DYRK1A: variants seen among roughly 807,000 people sequenced by gnomAD.
The protein encoded by DYRK1A is dual specificity tyrosine phosphorylation regulated kinase 1A, also known as dual specificity tyrosine-phosphorylation-regulated kinase 1A.
In DYRK1A, 9 loss-of-function variants were observed where a neutral mutation model predicts 79.7. The observed-to-expected ratio is 0.11, with a 90% CI of 0.07 to 0.20. The LOEUF is 0.20. DYRK1A is among the 10% of genes least tolerant of loss of function. The pLI, the probability that DYRK1A is intolerant of heterozygous loss-of-function variation, is 1.00. For missense variants in DYRK1A, 622 were observed against 956.0 expected (o/e 0.65, Z 4.61); for synonymous variants, 349 against 329.7 (o/e 1.06, Z -0.63).
At chr21:37,433,041 C>A (rs1302488886) in intron 2 of DYRK1A, among the ~76,000 whole-genome samples, 2 of 89,322 alleles carry the variant, frequency 2.2e-5, no homozygotes, top group Non-Finnish European at 4.0e-5. Context: ...ACTAGGAATT[C>A]TAAATATATA....
At chr21:37,421,571 C>T (rs2050477332) in intron 2 of DYRK1A, among the ~76,000 whole-genome samples, 1 of 152,100 alleles carries the variant, frequency 6.6e-6, no homozygotes, top group African/African-American at 2.4e-5. Context: ...CAGGCTTGCA[C>T]ATGTATGTTT....
intron 2 of DYRK1A, among the ~76,000 whole-genome samples, chr21:37,432,488 G>A (rs146346541): frequency 6.9e-4 from 105 of 152,222 alleles, no homozygotes; most frequent in African/African-American, 2.1e-3. Context: ...AGAGAATGAG[G>A]TATTAAAAAC....
chr21:37,509,974 G>A (rs1422993778), intron 11 of DYRK1A, among the ~76,000 whole-genome samples: 1 of 152,116 alleles, frequency 6.6e-6, no homozygotes, highest in Non-Finnish European at 1.5e-5. Context: ...CCTTCGTCTA[G>A]CATGTCCACA....
chr21:37,408,491 A>G (rs1306471864), intron 1 of DYRK1A, among the ~76,000 whole-genome samples: 1 of 152,218 alleles, frequency 6.6e-6, no homozygotes, highest in Admixed American at 6.5e-5. Context: ...TAGAAAAGAG[A>G]CTTAGTATTT....
At chr21:37,468,337 G>A (rs778685182) in intron 2 of DYRK1A, among the ~76,000 whole-genome samples, 5 of 151,722 alleles carry the variant, frequency 3.3e-5, no homozygotes, top group Non-Finnish European at 5.9e-5. Context: ...TCAGACTCTC[G>A]GGCTCAAGTG....
chr21:37,405,127 G>T (rs1417899317), intron 1 of DYRK1A, among the ~76,000 whole-genome samples: 1 of 152,112 alleles, frequency 6.6e-6, no homozygotes, highest in Non-Finnish European at 1.5e-5. Flanking sequence ...ATACTTAAAT[G>T]ATTTTTTAGT....
chr21:37,471,335 G>A (rs2052217529), intron 2 of DYRK1A, among the ~76,000 whole-genome samples: 1 of 152,184 alleles, frequency 6.6e-6, no homozygotes, highest in African/African-American at 2.4e-5. Flanking sequence ...AGGAAATGGT[G>A]TCATTCCCTG....
chr21:37,401,896 C>G (rs1272873500), intron 1 of DYRK1A, among the ~76,000 whole-genome samples: 2 of 152,122 alleles, frequency 1.3e-5, no homozygotes, highest in African/African-American at 2.4e-5. Context: ...GGAAGGTGTT[C>G]TACATTTTGA....
chr21:37,485,502 C>T (rs1011386168), intron 5 of DYRK1A, among the ~76,000 whole-genome samples: 8 of 152,174 alleles, frequency 5.3e-5, no homozygotes, highest in East Asian at 1.9e-4. Context: ...TGAGAACATA[C>T]GTTTCATCCT....
intron 1 of DYRK1A, among the ~76,000 whole-genome samples, chr21:37,400,292 T>G (rs2050029564): frequency 6.6e-6 from 1 of 152,174 alleles, no homozygotes; most frequent in Admixed American, 6.6e-5. Context: ...CATCTCAAGA[T>G]TCTCAACTTA....
intron 2 of DYRK1A, among the ~76,000 whole-genome samples, chr21:37,429,899 G>T (rs1365771890): frequency 2.0e-5 from 3 of 151,962 alleles, no homozygotes; most frequent in Non-Finnish European, 4.4e-5. Flanking sequence ...TCTTCTCTTG[G>T]TTGCCTCCAT....
chr21:37,512,769 C>T lies in DYRK1A; in HGVS notation c.*238C>T. 2.1e-6 allele frequency: 1 copy of T among 479,556 alleles called. No individual in the cohort carries two copies. Among genetic ancestry groups the T allele is most frequent in the East Asian group, 3.2e-5 (1 of 31,450 alleles). The allele number at this position is 479,556 out of a possible 1,614,324, so 29.7% of individuals were successfully genotyped here. On this transcript the variant is annotated 3_prime_UTR_variant, in exon 12 of 12. Transcript: ENST00000647188. ...GCTCAGAGGTATCCTCTTTTTGCTC[C>T]CCCATTTTAACTTGCCACATCCCAG... is the stretch of plus-strand genomic sequence containing the variant.
chr21:37,395,920 T>C (rs534763155), intron 1 of DYRK1A, among the ~76,000 whole-genome samples: 57 of 152,352 alleles, frequency 3.7e-4, no homozygotes, highest in African/African-American at 1.3e-3. Flanking sequence ...CTGAAAACTC[T>C]TCATGTTTTC....
intron 1 of DYRK1A, among the ~76,000 whole-genome samples, chr21:37,393,590 T>G (rs144197992): frequency 6.6e-6 from 1 of 152,250 alleles, no homozygotes; most frequent in Non-Finnish European, 1.5e-5. Flanking sequence ...AGAATGTTTA[T>G]TTTGAAACAT....
chr21:37,497,861 A>C (rs928383588), intron 9 of DYRK1A, among the ~76,000 whole-genome samples: 1 of 152,326 alleles, frequency 6.6e-6, no homozygotes, highest in South Asian at 2.1e-4. Flanking sequence ...ATACATGTGA[A>C]TTAACTAGAT....
chr21:37,476,669 A>G (rs1165818801), intron 3 of DYRK1A, among the ~76,000 whole-genome samples: 3 of 152,254 alleles, frequency 2.0e-5, no homozygotes, highest in African/African-American at 7.2e-5. Context: ...TTTATGCATT[A>G]AGTCCTTAAG....
At chr21:37,385,841 C>G (rs926823818) in intron 1 of DYRK1A, among the ~76,000 whole-genome samples, 17 of 152,186 alleles carry the variant, frequency 1.1e-4, no homozygotes, top group Non-Finnish European at 1.0e-4. Flanking sequence ...TGCTCTTCTT[C>G]CCTAAAATTT....
intron 3 of DYRK1A, 76 bp downstream of exon 3, chr21:37,472,956 C>A: frequency 2.6e-6 from 3 of 1,160,460 alleles, no homozygotes; most frequent in Non-Finnish European, 3.5e-6. Flanking sequence ...ACTAAGTAGG[C>A]AAAATGCTTT....
At chr21:37,414,082 C>T (rs1227637369) in intron 1 of DYRK1A, among the ~76,000 whole-genome samples, 1 of 151,848 alleles carries the variant, frequency 6.6e-6, no homozygotes. Context: ...TGTATATATA[C>T]ATATATTTAA....
Sources: allele counts gnomAD v4.1 joint callset (sites outside exome capture counted in the v4.1 genomes callset), GRCh38; gene constraint gnomAD v4.1.1; transcripts MANE v1.5; gene names NCBI Gene and HGNC (gene_info 2026-07-23, HGNC 2026-07-21).